UMAD1: variants seen among roughly 807,000 people sequenced by gnomAD.
The protein encoded by UMAD1 is UBAP1-MVB12-associated (UMA)-domain containing protein 1.
Under a neutral mutation model 6.1 loss-of-function variants are expected in UMAD1, and 8 were observed. That is an observed-to-expected ratio of 1.30 (90% confidence interval 0.76 to 2.35). The LOEUF is 2.35. Ranked by LOEUF, UMAD1 falls within the 30% of genes most tolerant of loss-of-function variation. UMAD1 has a pLI of 0.00. For missense variants in UMAD1, 130 were observed against 78.4 expected (o/e 1.66, Z -2.49); for synonymous variants, 56 against 31.4 (o/e 1.78, Z -2.61).
At chr7:7,746,488 T>C (rs1781576649) in intron 2 of UMAD1, among the ~76,000 whole-genome samples, 1 of 152,268 alleles carries the variant, frequency 6.6e-6, no homozygotes, top group African/African-American at 2.4e-5. Flanking sequence ...GGAACTCACA[T>C]ACGTTTAAAG....
At chr7:7,693,331 C>CTATCTATCTATA in intron 2 of UMAD1, among the ~76,000 whole-genome samples, 1 of 151,318 alleles carries the variant, frequency 6.6e-6, no homozygotes, top group Non-Finnish European at 1.5e-5. Context: ...ATCTATCTAT[C>CTATCTATCTATA]TATCTACATT....
intron 2 of UMAD1, among the ~76,000 whole-genome samples, chr7:7,745,072 C>T (rs574476078): frequency 1.3e-5 from 2 of 152,138 alleles, no homozygotes; most frequent in South Asian, 4.2e-4. Flanking sequence ...TATATTCTTA[C>T]CATAAAGCAA....
At chr7:7,745,594 T>A (rs1382159883) in intron 2 of UMAD1, among the ~76,000 whole-genome samples, 1 of 152,244 alleles carries the variant, frequency 6.6e-6, no homozygotes, top group Non-Finnish European at 1.5e-5. Flanking sequence ...AAGCTTATAG[T>A]CTAGCGAACA....
At chr7:7,824,420 G>T (rs1783302983) in intron 3 of UMAD1, among the ~76,000 whole-genome samples, 1 of 152,078 alleles carries the variant, frequency 6.6e-6, no homozygotes. Context: ...ATCAGGTTTT[G>T]TTCATTTTTC....
intron 1 of UMAD1, among the ~76,000 whole-genome samples, chr7:7,656,295 T>G (rs1004026576): frequency 3.3e-5 from 5 of 152,138 alleles, no homozygotes; most frequent in African/African-American, 9.7e-5. Flanking sequence ...GTAAAGAACT[T>G]GTTCATGTAT....
At chr7:7,668,166 G>T (rs1779517181) in intron 1 of UMAD1, among the ~76,000 whole-genome samples, 1 of 152,054 alleles carries the variant, frequency 6.6e-6, no homozygotes, top group South Asian at 2.1e-4. Context: ...GCCTGCCTCG[G>T]TCTCCCAAAG....
chr7:7,711,797 G>A (rs1780770652), intron 2 of UMAD1, among the ~76,000 whole-genome samples: 1 of 151,970 alleles, frequency 6.6e-6, no homozygotes, highest in African/African-American at 2.4e-5. Context: ...ACATTTTGAT[G>A]TGACAGTTTT....
At chr7:7,722,456 C>G (rs1401884263) in intron 2 of UMAD1, among the ~76,000 whole-genome samples, 1 of 152,078 alleles carries the variant, frequency 6.6e-6, no homozygotes, top group Non-Finnish European at 1.5e-5. Flanking sequence ...ATGCATTTGA[C>G]ACTCCTGATT....
intron 1 of UMAD1, among the ~76,000 whole-genome samples, chr7:7,649,757 A>G (rs566773514): frequency 1.3e-5 from 2 of 151,958 alleles, no homozygotes; most frequent in South Asian, 2.1e-4. Flanking sequence ...CCCCCACCCA[A>G]TTCATATGCT....
At chr7:7,691,357 T>C (rs1421866095) in intron 2 of UMAD1, among the ~76,000 whole-genome samples, 1 of 152,236 alleles carries the variant, frequency 6.6e-6, no homozygotes, top group African/African-American at 2.4e-5. Flanking sequence ...TTATTTTATA[T>C]TCAATTAAAA....
At chr7:7,821,420 A>G (rs1783239268) in intron 3 of UMAD1, among the ~76,000 whole-genome samples, 1 of 152,200 alleles carries the variant, frequency 6.6e-6, no homozygotes, top group African/African-American at 2.4e-5. Flanking sequence ...AATTAATTTC[A>G]CCTGTTTAAC....
intron 3 of UMAD1, among the ~76,000 whole-genome samples, chr7:7,809,453 G>A (rs1782982785): frequency 6.6e-6 from 1 of 151,608 alleles, no homozygotes; most frequent in Non-Finnish European, 1.5e-5. Context: ...GTATTTATGG[G>A]GTACGGTGTG....
At chr7:7,851,372 T>A (rs1783913424) in intron 3 of UMAD1, among the ~76,000 whole-genome samples, 1 of 152,238 alleles carries the variant, frequency 6.6e-6, no homozygotes, top group Admixed American at 6.5e-5. Context: ...TGAACATTTA[T>A]GTACAAGTAT....
intron 3 of UMAD1, among the ~76,000 whole-genome samples, chr7:7,856,066 A>G (rs141142086): frequency 1.0e-3 from 156 of 152,324 alleles, no homozygotes; most frequent in Admixed American, 2.4e-3. Context: ...AAGCCATTCA[A>G]CAAGTCTCTA....
At chr7:7,651,721 A>G (rs998531379) in intron 1 of UMAD1, among the ~76,000 whole-genome samples, 2 of 152,154 alleles carry the variant, frequency 1.3e-5, no homozygotes, top group Admixed American at 6.5e-5. Flanking sequence ...TCAATTCCCA[A>G]AGGCTAACAG....
At chr7:7,858,577 T>A (rs1233685135) in intron 3 of UMAD1, among the ~76,000 whole-genome samples, 2 of 152,180 alleles carry the variant, frequency 1.3e-5, no homozygotes, top group Non-Finnish European at 2.9e-5. Context: ...CCTAGAAACT[T>A]TGGTGAAATA....
intron 2 of UMAD1, among the ~76,000 whole-genome samples, chr7:7,761,997 A>G (rs1415906997): frequency 6.6e-6 from 1 of 152,178 alleles, no homozygotes; most frequent in Non-Finnish European, 1.5e-5. Context: ...TTGCTTTTGA[A>G]AGATCAGTTG....
chr7:7,743,655 C>A (rs1230844943), intron 2 of UMAD1, among the ~76,000 whole-genome samples: 2 of 151,328 alleles, frequency 1.3e-5, no homozygotes. Context: ...ATTATTAAAG[C>A]AGGGGAAAGT....
At chr7:7,676,624 G>A (rs1779747366) in intron 2 of UMAD1, among the ~76,000 whole-genome samples, 1 of 152,138 alleles carries the variant, frequency 6.6e-6, no homozygotes, top group Admixed American at 6.5e-5. Flanking sequence ...GAAGGTTGGT[G>A]GTTGTAATAC....
Sources: allele counts gnomAD v4.1 joint callset (sites outside exome capture counted in the v4.1 genomes callset), GRCh38; gene constraint gnomAD v4.1.1; transcripts MANE v1.5; gene names NCBI Gene and HGNC (gene_info 2026-07-23, HGNC 2026-07-21).